Variants in IZUMO4 observed in about 807,000 individuals in gnomAD.
IZUMO4 encodes izumo sperm-egg fusion protein 4.
In IZUMO4, 51 loss-of-function variants were observed where a neutral mutation model predicts 37.1. That is an observed-to-expected ratio of 1.38 (90% CI 1.10 to 1.74). The LOEUF (loss-of-function observed/expected upper bound fraction) is 1.74. Among genes scored for constraint, IZUMO4 ranks in the 40% most tolerant of loss-of-function variants. The probability of loss-of-function intolerance (pLI) is 0.00; values close to 1 mark genes in which losing one functional copy is unlikely to be tolerated. For synonymous variants in IZUMO4, 162 were observed against 121.4 expected, an observed-to-expected ratio of 1.33 and a Z score of -2.20; for missense variants, 364 against 299.6, an observed-to-expected ratio of 1.21 and a Z score of -1.59.
rs745773496 is a variant in IZUMO4, at chr19:2,099,353, T to C, written c.*8T>C. 1.9e-6 allele frequency: 3 copies of C among 1,606,570 alleles called. No homozygotes were observed. In the East Asian group the frequency reaches 6.7e-5, roughly 36 times the overall value. ...TGTCTCAAGCAGCACTGACAGCAGC[T>C]GGGCCTGCCCCAGGGCAACGTGGGG... On this transcript the variant is annotated 3_prime_UTR_variant, in exon 10 of 10. Coordinates refer to ENST00000395301, the MANE Select transcript of IZUMO4 (RefSeq NM_001039846.2).
intron 7 of IZUMO4, 134 bp downstream of exon 7, chr19:2,098,584 C>T (rs2017793961): frequency 1.9e-6 from 3 of 1,601,796 alleles, no homozygotes; most frequent in African/African-American, 2.7e-5. Context: ...GAACCTCAAC[C>T]CAGCTCTGCG....
At position 2,097,407 on chromosome 19, in the gene IZUMO4, C is replaced by T. The variant is rs369565041; in HGVS notation, c.299-17C>T. ...CCCACCGCCTGAGCCTGACCTTCTCCTGCCTCGACGACTCAGGGTATTTCC... is the reference window on the plus strand; with the variant it reads ...CCCACCGCCTGAGCCTGACCTTCTCTTGCCTCGACGACTCAGGGTATTTCC... On this transcript the variant is annotated splice_polypyrimidine_tract_variant and intron_variant, in intron 2 of 9. Transcript: ENST00000395301. The T allele has an allele frequency of 3.8e-5, 62 of 1,612,378 alleles. No individual in the cohort carries two copies. The highest frequency in any genetic ancestry group is 5.2e-5 in the Non-Finnish European group (61 of 1,179,626).
rs1483946841 is a variant in IZUMO4, at chr19:2,097,242, C to T, written c.218-10C>T. The T allele has an allele frequency of 1.9e-6, 3 of 1,611,444 alleles. No individual in the cohort carries two copies. The highest frequency in any genetic ancestry group is 2.5e-6 in the Non-Finnish European group (3 of 1,179,134). On this transcript the variant is annotated splice_polypyrimidine_tract_variant and intron_variant, in intron 1 of 9. Coordinates refer to ENST00000395301, the MANE Select transcript of IZUMO4 (RefSeq NM_001039846.2). ...CAGGCCGGTCACCTGGCTTCTCCTC[C>T]TGCCCGCAGCCCGGGAGAAGCTGGA...
intron 7 of IZUMO4, 162 bp downstream of exon 7, chr19:2,098,612 C>T: frequency 6.3e-7 from 1 of 1,575,550 alleles, no homozygotes; most frequent in Non-Finnish European, 8.6e-7. Flanking sequence ...CGGCTGCAGT[C>T]CTTTTCTCCC....
intron 2 of IZUMO4, 22 bp downstream of exon 2, chr19:2,097,354 CG>C: frequency 6.2e-7 from 1 of 1,610,676 alleles, no homozygotes. Context: ...GAAACCGAGG[CG>C]GGGCCCCCCC....
rs1455761327 is a variant in IZUMO4, at chr19:2,099,312, G to A, written c.666G>A (p.Leu222=). ...CCCCACACTTGGCCAACCTGACCTT[G>A]GAAGATGCTGCTGAGTGTCTCAAGC... ...LEPPHLANLT[L]EDAAECLKQH The change falls in exon 10 of 10, where the codon TTG becomes TTA. Residue 222 remains leucine (L), a synonymous_variant. Transcript: ENST00000395301. 3 of 1,613,446 alleles carry A rather than the reference G, an allele frequency of 1.9e-6. No individual in the cohort carries two copies. Among genetic ancestry groups the A allele is most frequent in the Non-Finnish European group, 1.7e-6 (2 of 1,179,944 alleles).
rs1045666834 is a variant in IZUMO4, at chr19:2,099,440, G to A, written c.*95G>A. ...TGGAGCTGGGCTGCTGCTGCCTCAG[G>A]ACCCCCTCTCCGACCCCGGACAGAG... On this transcript the variant is annotated 3_prime_UTR_variant, in exon 10 of 10. Transcript: ENST00000395301. 22 of 652,640 alleles carry A rather than the reference G, an allele frequency of 3.4e-5. No individual in the cohort carries two copies. Among genetic ancestry groups the A allele is most frequent in the Middle Eastern group, 4.5e-4 (1 of 2,226 alleles). The allele number at this position is 652,640 out of a possible 1,614,324, so 40.4% of individuals were successfully genotyped here.
chr19:2,098,565 G>C, intron 7 of IZUMO4, 115 bp downstream of exon 7: 1 of 1,605,050 alleles, frequency 6.2e-7, no homozygotes, highest in Non-Finnish European at 8.5e-7. Flanking sequence ...AGGGGCTCCC[G>C]AGGAGGTGGA....
chr19:2,097,020 C>G lies in IZUMO4; in HGVS notation c.75C>G (p.Phe25Leu). 6.2e-7 allele frequency: 1 copy of G among 1,612,148 alleles called. No homozygotes were observed. Among genetic ancestry groups the G allele is most frequent in the Non-Finnish European group, 8.5e-7 (1 of 1,179,914 alleles). The stretch of plus-strand genomic sequence containing the variant: ...GCTGTCTGCACTGCCACAGCAACTT[C>G]TCCAAGAAGTTCTCCTTCTACCGCC... Reference protein sequence around the residue: ...AHGCLHCHSNFSKKFSFYRHH... With the variant: ...AHGCLHCHSNLSKKFSFYRHH... Residue 25 changes from phenylalanine (F) to leucine (L), a missense_variant, in exon 1 of 10, where the codon TTC becomes TTG. Transcript: ENST00000395301.
At chr19:2,098,663 C>T (rs2017797143) in intron 7 of IZUMO4, 124 bp from the exon 8 acceptor site, 3 of 1,560,136 alleles carry the variant, frequency 1.9e-6, no homozygotes, top group Middle Eastern at 1.7e-4. Context: ...GGCATCTTTC[C>T]TAAAGGGTCC....
intron 3 of IZUMO4, chr19:2,097,701 G>A (rs1016138535): frequency 4.4e-6 from 3 of 682,934 alleles, no homozygotes; most frequent in Admixed American, 5.2e-5. Context: ...AGCCCCCAGA[G>A]GCGCTGGGAG....
Position 2,098,768 on chromosome 19 carries a change from G to A in IZUMO4, c.537-19G>A, listed in dbSNP as rs1442649151. 11 of 1,604,276 alleles carry A rather than the reference G, an allele frequency of 6.9e-6. No individual in the cohort carries two copies. The highest frequency in any genetic ancestry group is 2.2e-5 in the East Asian group (1 of 44,822). ...GGGGTGCCCCATGGAGGGGCTGACT[G>A]CCCCACATTGCCTTTCAGACAGGAC... is the stretch of plus-strand genomic sequence containing the variant. On this transcript the variant is annotated intron_variant, in intron 7 of 9. Transcript: ENST00000395301.
Position 2,099,240 on chromosome 19 carries a change from C to T in IZUMO4, c.609-15C>T. The stretch of plus-strand genomic sequence containing the variant: ...GGGGGACATGGAGAGCTGAGGCAGC[C>T]TCGTCTCCCCGCAGCCTGGTATCGC... On this transcript the variant is annotated splice_polypyrimidine_tract_variant and intron_variant, in intron 9 of 9. Coordinates refer to ENST00000395301, the MANE Select transcript of IZUMO4 (RefSeq NM_001039846.2). 1 of 1,609,142 alleles carries T rather than the reference C, an allele frequency of 6.2e-7. No individual in the cohort carries two copies. Among genetic ancestry groups the T allele is most frequent in the Non-Finnish European group, 8.5e-7 (1 of 1,176,202 alleles).
At position 2,099,530 on chromosome 19, in the gene IZUMO4, C is replaced by T. The variant is rs1212400364; in HGVS notation, c.*185C>T. The T allele has an allele frequency of 3.5e-5, 21 of 592,748 alleles. No individual in the cohort carries two copies. Among genetic ancestry groups the T allele is most frequent in the Non-Finnish European group, 4.8e-5 (16 of 330,306 alleles). The allele number at this position is 592,748 out of a possible 1,614,324, so 36.7% of individuals were successfully genotyped here. ...GGGGGTGGGCTGTGCGCAGCATCAG[C>T]GCCTGGGCAGGTCCGCAGAGCTGCG... On this transcript the variant is annotated 3_prime_UTR_variant, in exon 10 of 10. Transcript: ENST00000395301.
rs1195580265 is a variant in IZUMO4, at chr19:2,098,778, G to A, written c.537-9G>A. ...ATGGAGGGGCTGACTGCCCCACATT[G>A]CCTTTCAGACAGGACACGAGCATGA... On this transcript the variant is annotated splice_polypyrimidine_tract_variant and intron_variant, in intron 7 of 9. Transcript: ENST00000395301. 1.9e-6 allele frequency: 3 copies of A among 1,604,352 alleles called. No individual in the cohort carries two copies. The highest frequency in any genetic ancestry group is 2.2e-5 in the East Asian group (1 of 44,812).
Position 2,098,287 on chromosome 19 carries a change from G to A in IZUMO4, c.474G>A (p.Glu158=), listed in dbSNP as rs1207081717. 1.9e-6 allele frequency: 3 copies of A among 1,613,756 alleles called. No homozygotes were observed. In the African/African-American group the frequency reaches 4.0e-5, roughly 22 times the overall value. The change falls in exon 6 of 10, where the codon GAG becomes GAA. Residue 158 remains glutamate, a splice_region_variant and synonymous_variant. Coordinates refer to ENST00000395301, the MANE Select transcript of IZUMO4 (RefSeq NM_001039846.2). ...CCACTTCCAAGCCTGTGTCCCACAG[G>A]TCCTCGGCGCAGTGGAAGTCAGCTG... is the stretch of plus-strand genomic sequence containing the variant. ...SHVACFGYNC[E]SSAQWKSAVQ...
chr19:2,098,955 A>G, intron 8 of IZUMO4, 21 bp from the exon 9 acceptor site: 9 of 1,610,630 alleles, frequency 5.6e-6, no homozygotes, highest in Non-Finnish European at 7.6e-6. Context: ...AACCACACCC[A>G]TGTGGTGGTT....
rs2017757614 is a variant in IZUMO4, at chr19:2,097,927, A to G, written c.371-2A>G. On this transcript the variant is annotated splice_acceptor_variant, in intron 3 of 9. Coordinates refer to ENST00000395301, the MANE Select transcript of IZUMO4 (RefSeq NM_001039846.2). LOFTEE classifies it high-confidence loss of function. ...AGATGGCGCTGTCCTGCCCTCCCAC[A>G]GGCCGCATCGACTGTCAGCACCGCT... is the stretch of plus-strand genomic sequence containing the variant. The G allele has an allele frequency of 6.2e-7, 1 of 1,612,866 alleles. No individual in the cohort carries two copies. The highest frequency in any genetic ancestry group is 1.7e-5 in the Admixed American group (1 of 60,006).
chr19:2,098,488 T>C (rs1416181361), intron 7 of IZUMO4, 38 bp downstream of exon 7: 4 of 1,613,272 alleles, frequency 2.5e-6, no homozygotes, highest in Non-Finnish European at 2.5e-6. Context: ...GCAGTGTGTG[T>C]ATGTGAGCAC....
Sources: allele counts gnomAD v4.1 joint callset, GRCh38; gene constraint gnomAD v4.1.1; transcripts MANE v1.5; gene names NCBI Gene and HGNC (gene_info 2026-07-23, HGNC 2026-07-21).